The following PI4KA variants were observed in gnomAD, a reference collection of about 807,000 sequenced individuals.
PI4KA encodes phosphatidylinositol 4-kinase alpha.
PI4KA carries 122 observed loss-of-function variants against 271.4 expected under a neutral mutation model. The observed-to-expected ratio is 0.45, with a 90% CI of 0.39 to 0.52. PI4KA has a LOEUF of 0.52. Among genes scored for constraint, PI4KA ranks in the 20% least tolerant of loss-of-function variants. The pLI is 0.00. For synonymous variants in PI4KA, 1,041 were observed against 1,078.8 expected (o/e 0.96, Z 0.69); for missense variants, 1,969 against 2,769.1 (o/e 0.71, Z 6.48).
In PI4KA at chr22:20,858,808, A is replaced by G. The variant is rs1928019168; in HGVS notation, c.-83T>C. 2.2e-6 allele frequency: 3 copies of G among 1,358,594 alleles called. No individual in the cohort carries two copies. The highest frequency in any genetic ancestry group is 2.8e-6 in the Non-Finnish European group (3 of 1,055,656). 84.2% of individuals were successfully genotyped at this position (1,358,594 alleles called of 1,614,324 possible). ...GACCTCAGGGCGCAGGCGTAGGTGC[A>G]TCCGGCTTTCCCGCCACGTGACCTC... On this transcript the variant is annotated 5_prime_UTR_variant, in exon 1 of 55. It removes an upstream start codon present in the reference 5' UTR. Transcript: ENST00000255882.
At chr22:20,830,496 G>A (rs1924015235) in intron 3 of PI4KA, among the ~76,000 whole-genome samples, 1 of 152,038 alleles carries the variant, frequency 6.6e-6, no homozygotes, top group African/African-American at 2.4e-5. Context: ...CCATTTGCTT[G>A]GCAGATTTTT....
rs202008022 is a variant in PI4KA, at chr22:20,849,885, C to CA, written c.156+8684dup. Among the ~76,000 whole-genome samples, 861 of 152,096 alleles carry CA rather than the reference C, an allele frequency of 5.7e-3. 5 individuals are homozygous for CA. Among genetic ancestry groups the CA allele is most frequent in the African/African-American group, 0.019 (797 of 41,496 alleles). On this transcript the variant is annotated intron_variant, in intron 1 of 54. Coordinates refer to ENST00000255882, the MANE Select transcript of PI4KA (RefSeq NM_058004.4). ...AAATAAAAATAAAAATAAGCCACCACAAAAAACCACATCTTATAGAATTCT... is the reference window on the plus strand; with the variant it reads ...AAATAAAAATAAAAATAAGCCACCACAAAAAAACCACATCTTATAGAATTCT...
At chr22:20,712,138 A>T (rs1601308775) in intron 50 of PI4KA, among the ~76,000 whole-genome samples, 1 of 149,828 alleles carries the variant, frequency 6.7e-6, no homozygotes, top group Non-Finnish European at 1.5e-5. Flanking sequence ...GCTCACAGCA[A>T]CCTCTGCCTC....
chr22:20,721,647 A>C (rs1926752818), intron 42 of PI4KA: 1 of 527,872 alleles, frequency 1.9e-6, no homozygotes, highest in African/African-American at 1.9e-5. Context: ...AAAGCGGGCG[A>C]CAGTCAGCCT....
chr22:20,800,583 C>T (rs552483477), intron 14 of PI4KA, among the ~76,000 whole-genome samples: 2 of 151,780 alleles, frequency 1.3e-5, no homozygotes, highest in African/African-American at 2.4e-5. Context: ...AATTTCTTAG[C>T]CAGGCACGGT....
chr22:20,738,115 T>C (rs1247186761), intron 32 of PI4KA, among the ~76,000 whole-genome samples: 2 of 150,802 alleles, frequency 1.3e-5, no homozygotes, highest in African/African-American at 2.4e-5. Flanking sequence ...CACCAAGAGA[T>C]AGTGTGTAGG....
intron 17 of PI4KA, among the ~76,000 whole-genome samples, chr22:20,797,052 C>T (rs533096958): frequency 3.3e-5 from 5 of 152,290 alleles, no homozygotes; most frequent in Non-Finnish European, 5.9e-5. Flanking sequence ...AATTTCTCTT[C>T]GTAGGATCAC....
At chr22:20,785,400 G>A (rs1934140659) in intron 19 of PI4KA, among the ~76,000 whole-genome samples, 1 of 152,126 alleles carries the variant, frequency 6.6e-6, no homozygotes, top group South Asian at 2.1e-4. Flanking sequence ...ATCTTACTTG[G>A]TGCAAGGTAT....
chr22:20,848,004 A>G (rs1926479979), intron 1 of PI4KA, among the ~76,000 whole-genome samples: 1 of 152,136 alleles, frequency 6.6e-6, no homozygotes, highest in African/African-American at 2.4e-5. Flanking sequence ...TTGAGGGGCC[A>G]GGGTGGGTGG....
chr22:20,717,186 C>A (rs529331766), intron 45 of PI4KA, among the ~76,000 whole-genome samples: 2 of 152,182 alleles, frequency 1.3e-5, no homozygotes, highest in African/African-American at 4.8e-5. Flanking sequence ...AAAACAACAA[C>A]AAAAAAAGAA....
intron 42 of PI4KA, among the ~76,000 whole-genome samples, chr22:20,726,150 C>T (rs1205711690): frequency 6.6e-6 from 1 of 152,154 alleles, no homozygotes; most frequent in East Asian, 1.9e-4. Context: ...CGTTAATTTT[C>T]CTCACCACTT....
rs555338343 is a variant in PI4KA at position 20,758,272 on chromosome 22, G to A, written c.2791+3032C>T. ...CCCAGCTACTTGGGAGGCTGAGGCAGGAGAATGGCATGAACCTGGGAGGCG... is the reference window on the plus strand; with the variant it reads ...CCCAGCTACTTGGGAGGCTGAGGCAAGAGAATGGCATGAACCTGGGAGGCG... On this transcript the variant is annotated intron_variant, in intron 23 of 54. Coordinates refer to ENST00000255882, the MANE Select transcript of PI4KA (RefSeq NM_058004.4). 2.7e-5 allele frequency among the ~76,000 whole-genome samples: 4 copies of A among 149,566 alleles called. No homozygotes were observed. The East Asian group carries it at 6.0e-4, about 22-fold the overall frequency.
At position 20,728,279 on chromosome 22, in the gene PI4KA, G is replaced by A. The variant is rs1420749743; in HGVS notation, c.4683-415C>T. On this transcript the variant is annotated intron_variant, in intron 39 of 54. Coordinates refer to ENST00000255882, the MANE Select transcript of PI4KA (RefSeq NM_058004.4). The stretch of plus-strand genomic sequence containing the variant: ...AAAAAAAAAGTTTAAATAAAAAAAT[G>A]TTTAGCCAGGTGACGGCTAAATGTT... Among the ~76,000 whole-genome samples the A allele has an allele frequency of 5.9e-5, 9 of 152,244 alleles. No homozygotes were observed. In the South Asian group the frequency reaches 1.2e-3, roughly 21 times the overall value.
At chr22:20,771,850 G>T (rs542320872) in intron 19 of PI4KA, among the ~76,000 whole-genome samples, 28 of 152,048 alleles carry the variant, frequency 1.8e-4, no homozygotes, top group Non-Finnish European at 3.5e-4. Context: ...TCAAAGTGCT[G>T]GGATTACAGG....
chr22:20,730,034 T>C, intron 36 of PI4KA, 23 bp from the exon 37 acceptor site: 26 of 1,612,234 alleles, frequency 1.6e-5, no homozygotes, highest in Non-Finnish European at 2.1e-5. Flanking sequence ...ACATTGTTGA[T>C]TCTAGAGTGA....
At chr22:20,857,802 C>A (rs178067) in intron 1 of PI4KA, among the ~76,000 whole-genome samples, 1 of 152,094 alleles carries the variant, frequency 6.6e-6, no homozygotes, top group East Asian at 1.9e-4. Flanking sequence ...ATTCAGGTCC[C>A]ACTCTAAAAT....
rs374247588 is a variant in PI4KA, at chr22:20,808,875, G to T, written c.1072-1417C>A. Among the ~76,000 whole-genome samples the T allele has an allele frequency of 1.1e-4, 17 of 152,160 alleles. No individual in the cohort carries two copies. In the South Asian group the frequency reaches 3.5e-3, roughly 32 times the overall value. On this transcript the variant is annotated intron_variant, in intron 9 of 54. Transcript: ENST00000255882. ...ATAATTCTTGACAAGTATAAAAGTG[G>T]TCTGCAAATATAGCAAATCTTTAAG...
Position 20,714,672 on chromosome 22 carries a change from G to A in PI4KA, c.5346C>T (p.Ala1782=). ...ACTTGTAGTCGATGTCCAGCACAAT[G>A]GCCTCAGGGTTGCTGGGCAGGTAGC... ...PGCYLPSNPE[A]IVLDIDYKSG... Residue 1782 remains alanine, a synonymous_variant, in exon 46 of 55, where the codon GCC becomes GCT. Transcript: ENST00000255882. 6.2e-7 allele frequency: 1 copy of A among 1,614,014 alleles called. No individual in the cohort carries two copies.
rs1308981813 is a variant in PI4KA at position 20,742,627 on chromosome 22, T to C, written c.3594A>G (p.Ala1198=). The change falls in exon 31 of 55, where the codon GCA becomes GCG. Residue 1198 remains alanine, a synonymous_variant. Transcript: ENST00000255882. ...AGTTACCTTTACTGCTAATGAGCATTGCGGTCAGCTTGAACATGGCCTGCG... is the reference window on the plus strand; with the variant it reads ...AGTTACCTTTACTGCTAATGAGCATCGCGGTCAGCTTGAACATGGCCTGCG... The part of the protein sequence containing the change: ...HYTQAMFKLT[A]MLISSKDCDP... 6.2e-7 allele frequency: 1 copy of C among 1,614,196 alleles called. No homozygotes were observed. The highest frequency in any genetic ancestry group is 1.7e-5 in the Admixed American group (1 of 60,024).
Sources: gnomAD v4.1 joint callset for allele counts (sites outside exome capture counted in the v4.1 genomes callset) on GRCh38, gnomAD v4.1.1 for gene constraint, MANE v1.5 for transcripts, NCBI Gene and HGNC (gene_info 2026-07-23, HGNC 2026-07-21) for gene names.